The following TPRG1 variants were observed in gnomAD, a reference collection of about 807,000 sequenced individuals.
TPRG1 encodes the protein tumor protein p63 regulated 1.
TPRG1 carries 29 observed loss-of-function variants against 29.3 expected under a neutral mutation model. The observed-to-expected ratio is 0.99, with a 90% CI of 0.74 to 1.35. The LOEUF is 1.35. Ranked by LOEUF, TPRG1 falls within the 40% of genes most tolerant of loss-of-function variation. TPRG1 has a pLI of 0.00. For missense variants in TPRG1, 327 were observed against 335.0 expected (o/e 0.98, Z 0.19); for synonymous variants, 130 against 116.8 (o/e 1.11, Z -0.73).
At chr3:189,026,900 C>T (rs1713693919) in intron 4 of TPRG1, among the ~76,000 whole-genome samples, 1 of 152,144 alleles carries the variant, frequency 6.6e-6, no homozygotes, top group African/African-American at 2.4e-5. Context: ...AGCATTGACT[C>T]CACACCCAGG....
intron 4 of TPRG1, among the ~76,000 whole-genome samples, chr3:189,278,364 C>T (rs1046036384): frequency 2.0e-5 from 3 of 152,134 alleles, no homozygotes; most frequent in Non-Finnish European, 4.4e-5. Context: ...AGTCTGGATT[C>T]TCACAGGCCT....
At chr3:189,042,014 G>C (rs936976181) in intron 4 of TPRG1, among the ~76,000 whole-genome samples, 1 of 152,090 alleles carries the variant, frequency 6.6e-6, no homozygotes, top group African/African-American at 2.4e-5. Context: ...CTTCTGTATT[G>C]TTAATGCCAA....
At chr3:189,276,477 C>A (rs542842687) in intron 4 of TPRG1, among the ~76,000 whole-genome samples, 155 of 152,290 alleles carry the variant, frequency 1.0e-3, no homozygotes, top group Middle Eastern at 3.4e-3. Flanking sequence ...GAATAGGCAA[C>A]TTCCCATAAA....
intron 2 of TPRG1, among the ~76,000 whole-genome samples, chr3:189,129,400 T>C (rs1299345011): frequency 2.6e-5 from 4 of 152,182 alleles, no homozygotes; most frequent in African/African-American, 9.7e-5. Flanking sequence ...GTATATTATG[T>C]TGATATATAT....
At chr3:189,290,196 T>C (rs1367531379) in intron 4 of TPRG1, among the ~76,000 whole-genome samples, 4 of 152,224 alleles carry the variant, frequency 2.6e-5, no homozygotes, top group African/African-American at 4.8e-5. Flanking sequence ...TACTTTTCTA[T>C]TCTATCTATT....
chr3:189,239,061 T>TAGGA, intron 4 of TPRG1, 152 bp downstream of exon 4: 3 of 596,434 alleles, frequency 5.0e-6, no homozygotes, highest in Non-Finnish European at 8.4e-6. Context: ...CTAGAGTTCC[T>TAGGA]ACTCTATGTC....
chr3:189,142,693 C>A (rs1724732224), intron 3 of TPRG1, among the ~76,000 whole-genome samples: 1 of 152,192 alleles, frequency 6.6e-6, no homozygotes, highest in African/African-American at 2.4e-5. Flanking sequence ...GAAGGTTTCA[C>A]CCAAAGGTGT....
At chr3:189,007,027 A>G (rs1002098692) in intron 3 of TPRG1, among the ~76,000 whole-genome samples, 1 of 152,114 alleles carries the variant, frequency 6.6e-6, no homozygotes, top group African/African-American at 2.4e-5. Context: ...AATGGCAACA[A>G]AAGACAAAAT....
At chr3:189,320,122 C>G (rs1724137089) in intron 5 of TPRG1, among the ~76,000 whole-genome samples, 1 of 152,024 alleles carries the variant, frequency 6.6e-6, no homozygotes. Flanking sequence ...TGTCTGCAAT[C>G]ACGAGAATGT....
chr3:189,060,039 C>T (rs1420500912), intron 4 of TPRG1, among the ~76,000 whole-genome samples: 1 of 152,168 alleles, frequency 6.6e-6, no homozygotes, highest in Non-Finnish European at 1.5e-5. Context: ...TTGAGACCAA[C>T]CTGACCAACC....
intron 2 of TPRG1, among the ~76,000 whole-genome samples, chr3:189,210,384 C>T (rs1735081509): frequency 6.6e-6 from 1 of 152,148 alleles, no homozygotes; most frequent in African/African-American, 2.4e-5. Flanking sequence ...ATGACCTCAT[C>T]ATGACCTTCA....
At position 189,215,242 on chromosome 3, in the gene TPRG1, G is replaced by T. The variant is rs370659218; in HGVS notation, c.211-50G>T. ...GAATATACTAACTAATCATAAGCGC[G>T]AAGTGGGCTAAGTCTGCTCTAAACT... On this transcript the variant is annotated intron_variant, in intron 2 of 5. Transcript: ENST00000345063. 21 of 1,490,250 alleles carry T rather than the reference G, an allele frequency of 1.4e-5. No individual in the cohort carries two copies. The African/African-American group carries it at 2.6e-4, about 18-fold the overall frequency. 92.3% of individuals were successfully genotyped at this position (1,490,250 alleles called of 1,614,324 possible).
At chr3:189,234,857 A>C (rs988575707) in intron 3 of TPRG1, among the ~76,000 whole-genome samples, 3 of 152,320 alleles carry the variant, frequency 2.0e-5, no homozygotes, top group African/African-American at 7.2e-5. Flanking sequence ...GTGGTCTGAA[A>C]GTGTATATCA....
At chr3:189,117,422 C>A (rs1464662853) in intron 1 of TPRG1, among the ~76,000 whole-genome samples, 1 of 152,196 alleles carries the variant, frequency 6.6e-6, no homozygotes, top group Admixed American at 6.5e-5. Flanking sequence ...TATCACCTAG[C>A]CCCTCAAAAG....
intron 4 of TPRG1, among the ~76,000 whole-genome samples, chr3:189,072,277 A>G (rs995113265): frequency 3.9e-5 from 6 of 152,144 alleles, no homozygotes; most frequent in African/African-American, 1.4e-4. Context: ...CTTTATGACT[A>G]TTATCTCCTG....
At chr3:189,068,466 A>C (rs940896556) in intron 4 of TPRG1, among the ~76,000 whole-genome samples, 3 of 152,218 alleles carry the variant, frequency 2.0e-5, no homozygotes, top group African/African-American at 7.2e-5. Flanking sequence ...ACAGAGTACT[A>C]GTCAGCCATA....
chr3:189,228,375 C>T (rs1331513666), intron 3 of TPRG1, among the ~76,000 whole-genome samples: 1 of 135,372 alleles, frequency 7.4e-6, no homozygotes, highest in South Asian at 2.6e-4. Flanking sequence ...TTCTTAATAG[C>T]AAATATAACA....
At chr3:189,039,078 C>T (rs1714467583) in intron 4 of TPRG1, among the ~76,000 whole-genome samples, 1 of 152,180 alleles carries the variant, frequency 6.6e-6, no homozygotes, top group African/African-American at 2.4e-5. Flanking sequence ...TATATATATA[C>T]CCCTTGACCC....
chr3:189,048,806 A>G (rs1715127649), intron 4 of TPRG1, among the ~76,000 whole-genome samples: 1 of 152,152 alleles, frequency 6.6e-6, no homozygotes, highest in Admixed American at 6.5e-5. Flanking sequence ...GACACTCCAA[A>G]TACTGTGAGT....
Sources: allele counts gnomAD v4.1 joint callset (sites outside exome capture counted in the v4.1 genomes callset), GRCh38; gene constraint gnomAD v4.1.1; transcripts MANE v1.5; gene names NCBI Gene and HGNC (gene_info 2026-07-23, HGNC 2026-07-21).